The following TTC28 variants were observed in gnomAD, a reference collection of about 807,000 sequenced individuals.
TTC28 encodes the protein tetratricopeptide repeat domain 28, also known as tetratricopeptide repeat protein 28.
In TTC28, 61 loss-of-function variants were observed where a neutral mutation model predicts 198.0. The ratio of observed to expected loss-of-function variants is 0.31; its 90% CI spans 0.25 to 0.38. TTC28 has a LOEUF of 0.38. TTC28 is among the 10% of genes least tolerant of loss of function. TTC28 has a pLI of 1.00. For missense variants in TTC28, 2,678 were observed against 3,164.0 expected (o/e 0.85, Z 3.69); for synonymous variants, 1,171 against 1,297.8 (o/e 0.90, Z 2.10).
rs190195624 is a variant in TTC28, at chr22:28,299,906, A to C, written c.530-2054T>G. The stretch of plus-strand genomic sequence containing the variant: ...ACACCAATCTTGGCTGCTTGTAAAC[A>C]GAAAAGAAACACATTGAGTGACTAC... On this transcript the variant is annotated intron_variant, in intron 3 of 22. Coordinates refer to ENST00000397906, the MANE Select transcript of TTC28 (RefSeq NM_001145418.2). Among the ~76,000 whole-genome samples the C allele has an allele frequency of 6.5e-4, 99 of 152,310 alleles. 1 individual carries two copies. The highest frequency in any genetic ancestry group is 6.2e-3 in the Admixed American group (95 of 15,302).
chr22:28,053,360 G>T (rs915553656), intron 12 of TTC28, among the ~76,000 whole-genome samples: 6 of 152,184 alleles, frequency 3.9e-5, no homozygotes, highest in Non-Finnish European at 5.9e-5. Flanking sequence ...TGGCTACTGA[G>T]AAATAAAATA....
At chr22:28,028,239 G>A (rs565392841) in intron 13 of TTC28, among the ~76,000 whole-genome samples, 144 of 152,342 alleles carry the variant, frequency 9.5e-4, no homozygotes, top group Admixed American at 3.6e-3. Context: ...TGCAAGCTCC[G>A]GGGCTGTGGG....
At chr22:28,538,113 C>A (rs899650631) in intron 2 of TTC28, among the ~76,000 whole-genome samples, 1 of 152,052 alleles carries the variant, frequency 6.6e-6, no homozygotes, top group South Asian at 2.1e-4. Context: ...AGAGAGAGTG[C>A]CTCGCTCTGT....
chr22:28,478,643 A>G (rs370939818), intron 2 of TTC28, among the ~76,000 whole-genome samples: 1 of 152,184 alleles, frequency 6.6e-6, no homozygotes, highest in African/African-American at 2.4e-5. Flanking sequence ...AGGTTCATCA[A>G]TGAAACAAGA....
At chr22:28,039,834 G>A (rs1264983162) in intron 12 of TTC28, among the ~76,000 whole-genome samples, 2 of 152,026 alleles carry the variant, frequency 1.3e-5, no homozygotes, top group Non-Finnish European at 2.9e-5. Context: ...TTGATAGACT[G>A]CTAGCAAGAC....
intron 2 of TTC28, among the ~76,000 whole-genome samples, chr22:28,604,251 C>T (rs1761658675): frequency 7.1e-6 from 1 of 141,304 alleles, no homozygotes; most frequent in Non-Finnish European, 1.5e-5. Flanking sequence ...GCACTCTAGC[C>T]TGGCTGACAG....
Position 28,211,113 on chromosome 22 carries a change from A to G in TTC28, c.934-47514T>C, listed in dbSNP as rs560613801. Among the ~76,000 whole-genome samples the G allele has an allele frequency of 2.0e-5, 3 of 152,294 alleles. No homozygotes were observed. In the South Asian group the frequency reaches 6.2e-4, roughly 32 times the overall value. On this transcript the variant is annotated intron_variant, in intron 5 of 22. Transcript: ENST00000397906. ...ATTTTGTCACCACCAGGCCTGCCCT[A>G]AAAGAGCTCCTGAAGGAAGCACTAA...
At chr22:28,209,232 C>T (rs1376577707) in intron 5 of TTC28, among the ~76,000 whole-genome samples, 2 of 152,190 alleles carry the variant, frequency 1.3e-5, no homozygotes, top group South Asian at 2.1e-4. Flanking sequence ...CCAGCATGAG[C>T]GACACAGAAG....
intron 2 of TTC28, among the ~76,000 whole-genome samples, chr22:28,344,585 A>T (rs2066162318): frequency 6.6e-6 from 1 of 152,226 alleles, no homozygotes; most frequent in African/African-American, 2.4e-5. Context: ...ATTATAACTG[A>T]CAGGCACTCC....
chr22:28,009,586 G>C (rs1376309453), intron 14 of TTC28, among the ~76,000 whole-genome samples: 2 of 152,202 alleles, frequency 1.3e-5, no homozygotes, highest in Non-Finnish European at 2.9e-5. Context: ...CCTCCACCTG[G>C]GCAGCGCAGG....
intron 5 of TTC28, among the ~76,000 whole-genome samples, chr22:28,270,591 T>C (rs945257875): frequency 1.3e-5 from 2 of 152,178 alleles, no homozygotes; most frequent in African/African-American, 4.8e-5. Context: ...CTCAGCAATA[T>C]TTATTCCCCA....
chr22:28,000,228 C>T (rs1937634590), intron 15 of TTC28: 1 of 152,158 alleles, frequency 6.6e-6, no homozygotes, highest in Non-Finnish European at 1.5e-5. Context: ...TTCTTTGCTT[C>T]ATAAGAAAAG....
chr22:28,115,888 A>T (rs764891459), intron 6 of TTC28, among the ~76,000 whole-genome samples: 2 of 152,190 alleles, frequency 1.3e-5, no homozygotes, highest in Non-Finnish European at 2.9e-5. Context: ...GCCTGCTATA[A>T]TAAGGTTGGG....
At chr22:28,227,784 C>T (rs913334142) in intron 5 of TTC28, among the ~76,000 whole-genome samples, 1 of 151,444 alleles carries the variant, frequency 6.6e-6, no homozygotes, top group Admixed American at 6.6e-5. Context: ...TAAAATGGTA[C>T]AACCATTGTA....
rs901989028 is a variant in TTC28 at position 28,633,801 on chromosome 22, A to G, written c.103-3971T>C. Among the ~76,000 whole-genome samples the G allele has an allele frequency of 2.6e-5, 4 of 152,332 alleles. No individual in the cohort carries two copies. In the South Asian group the frequency reaches 8.3e-4, roughly 32 times the overall value. Reference sequence around the variant, plus strand: ...AGGTCCTCAGGAGACAAGGATGAACAACGTTAAATAAATCTCTTCTTTAGT... The same window carrying G: ...AGGTCCTCAGGAGACAAGGATGAACGACGTTAAATAAATCTCTTCTTTAGT... On this transcript the variant is annotated intron_variant, in intron 1 of 22. Transcript: ENST00000397906.
intron 2 of TTC28, among the ~76,000 whole-genome samples, chr22:28,495,202 T>C (rs1398195314): frequency 6.6e-6 from 1 of 152,134 alleles, no homozygotes; most frequent in South Asian, 2.1e-4. Context: ...TTAAACAACA[T>C]GAGTTTTTAG....
rs191422254 is a variant in TTC28 at position 28,578,966 on chromosome 22, A to G, written c.381+50586T>C. ...TGGGATCCTAAACTTGAAAGGCAGT[A>G]TAGGCCACAAGGGCTGCAATTCCTG... is the stretch of plus-strand genomic sequence containing the variant. On this transcript the variant is annotated intron_variant, in intron 2 of 22. Transcript: ENST00000397906. Among the ~76,000 whole-genome samples, 390 of 152,214 alleles carry G rather than the reference A, an allele frequency of 2.6e-3. 4 individuals are homozygous for G. The highest frequency in any genetic ancestry group is 9.1e-3 in the African/African-American group (377 of 41,528).
intron 12 of TTC28, among the ~76,000 whole-genome samples, chr22:28,076,597 G>A (rs1441308198): frequency 1.3e-5 from 2 of 152,096 alleles, no homozygotes; most frequent in African/African-American, 4.8e-5. Context: ...TTCACCCAGA[G>A]ATGGGGTCTC....
chr22:28,605,895 A>G (rs1441951215), intron 2 of TTC28, among the ~76,000 whole-genome samples: 1 of 152,180 alleles, frequency 6.6e-6, no homozygotes, highest in East Asian at 1.9e-4. Flanking sequence ...ATTAAACTGC[A>G]TGGTGTCCAC....
Sources: gnomAD v4.1 joint callset for allele counts (sites outside exome capture counted in the v4.1 genomes callset) on GRCh38, gnomAD v4.1.1 for gene constraint, MANE v1.5 for transcripts, NCBI Gene and HGNC (gene_info 2026-07-23, HGNC 2026-07-21) for gene names.